Variants in SYNJ1 observed in about 807,000 individuals in gnomAD.
SYNJ1 encodes the protein synaptojanin 1.
In SYNJ1, 78 loss-of-function variants were observed where a neutral mutation model predicts 168.2. The observed-to-expected ratio is 0.46, with a 90% confidence interval of 0.39 to 0.56. The LOEUF (loss-of-function observed/expected upper bound fraction) is 0.56. Ranked by LOEUF, SYNJ1 falls within the 20% of genes least tolerant of loss-of-function variation. The pLI is 0.00. For synonymous variants in SYNJ1, 539 were observed against 548.6 expected, an observed-to-expected ratio of 0.98 and a Z score of 0.24; for missense variants, 1,303 against 1,597.6, an observed-to-expected ratio of 0.82 and a Z score of 3.14.
At position 32,639,231 on chromosome 21, in the gene SYNJ1, A is replaced by G. The variant is rs2145722061; in HGVS notation, c.3698-106T>C. The G allele has an allele frequency of 7.9e-6, 8 of 1,015,848 alleles. No homozygotes were observed. In the East Asian group the frequency reaches 2.0e-4, roughly 26 times the overall value. 62.9% of individuals were successfully genotyped at this position (1,015,848 alleles called of 1,614,324 possible). A position where few individuals can be genotyped will look rare whatever the true frequency, so the allele number is the denominator to read the frequency against. On this transcript the variant is annotated intron_variant, in intron 30 of 32. Coordinates refer to ENST00000674351, the MANE Select transcript of SYNJ1 (RefSeq NM_203446.3). Reference sequence around the variant, plus strand: ...AACATTCTAGTTATTTCTTCCCCCAATAAGTAGCCTCATTTCTTGTGGTAT... The same window carrying G: ...AACATTCTAGTTATTTCTTCCCCCAGTAAGTAGCCTCATTTCTTGTGGTAT...
chr21:32,673,780 A>G (rs1330916316), intron 13 of SYNJ1, among the ~76,000 whole-genome samples: 1 of 152,178 alleles, frequency 6.6e-6, no homozygotes, highest in African/African-American at 2.4e-5. Flanking sequence ...AAGTAAAAAA[A>G]AAAATACTAC....
At chr21:32,695,635 ATTTATT>A (rs2042177190) in intron 4 of SYNJ1, among the ~76,000 whole-genome samples, 1 of 120,226 alleles carries the variant, frequency 8.3e-6, no homozygotes, top group Non-Finnish European at 1.9e-5. Flanking sequence ...TTAAAAAAAT[ATTTATT>A]TATTTATTTA....
At chr21:32,713,986 G>A (rs2042933079) in intron 2 of SYNJ1, among the ~76,000 whole-genome samples, 1 of 152,194 alleles carries the variant, frequency 6.6e-6, no homozygotes, top group Non-Finnish European at 1.5e-5. Flanking sequence ...TGGTATGCTA[G>A]TAATAATATT....
intron 27 of SYNJ1, 71 bp downstream of exon 27, chr21:32,643,339 T>G: frequency 6.7e-7 from 1 of 1,487,648 alleles, no homozygotes; most frequent in Non-Finnish European, 9.3e-7. Flanking sequence ...CACTGCGGGG[T>G]GGGGAGGTGG....
intron 13 of SYNJ1, 138 bp from the exon 14 acceptor site, chr21:32,673,669 G>A: frequency 1.5e-6 from 1 of 660,550 alleles, no homozygotes. Flanking sequence ...TACAGGCACA[G>A]GCACAAAAAA....
At position 32,646,382 on chromosome 21, in the gene SYNJ1, A is replaced by G; in HGVS notation, c.3247+11T>C. On this transcript the variant is annotated intron_variant, in intron 24 of 32. Coordinates refer to ENST00000674351, the MANE Select transcript of SYNJ1 (RefSeq NM_203446.3). ...AGGAAGCCATACAAAACTTTCAAAT[A>G]AAATGCATACTCTGTGCACTGGGAG... 6.2e-7 allele frequency: 1 copy of G among 1,609,500 alleles called. No homozygotes were observed. Among genetic ancestry groups the G allele is most frequent in the Non-Finnish European group, 8.5e-7 (1 of 1,176,796 alleles).
At chr21:32,671,087 T>C (rs116509930) in intron 14 of SYNJ1, among the ~76,000 whole-genome samples, 228 of 152,164 alleles carry the variant, frequency 1.5e-3, no homozygotes, top group African/African-American at 4.9e-3. Flanking sequence ...GGTGAGAGGA[T>C]CACTTGAAGC....
chr21:32,673,999 C>T (rs1215464012), intron 13 of SYNJ1, among the ~76,000 whole-genome samples: 2 of 152,228 alleles, frequency 1.3e-5, no homozygotes, highest in Non-Finnish European at 2.9e-5. Flanking sequence ...ATTGTAGCTA[C>T]TGACAGGCAG....
intron 29 of SYNJ1, among the ~76,000 whole-genome samples, chr21:32,640,010 A>C (rs1465288969): frequency 6.6e-6 from 1 of 152,236 alleles, no homozygotes; most frequent in Non-Finnish European, 1.5e-5. Flanking sequence ...AGTACTGTAC[A>C]GGCATTTCCA....
At chr21:32,708,833 A>AT (rs1247209877) in intron 2 of SYNJ1, among the ~76,000 whole-genome samples, 8 of 151,486 alleles carry the variant, frequency 5.3e-5, no homozygotes, top group Non-Finnish European at 1.2e-4. Context: ...AAAAAGAATC[A>AT]TTTTGCTGGG....
intron 2 of SYNJ1, among the ~76,000 whole-genome samples, chr21:32,702,663 A>T (rs1466165557): frequency 6.6e-6 from 1 of 152,218 alleles, no homozygotes; most frequent in Non-Finnish European, 1.5e-5. Context: ...TCAAAGGACA[A>T]ATACAAATAA....
At chr21:32,687,303 T>C (rs768178751) in intron 7 of SYNJ1, among the ~76,000 whole-genome samples, 1 of 152,232 alleles carries the variant, frequency 6.6e-6, no homozygotes, top group Non-Finnish European at 1.5e-5. Flanking sequence ...CTGTTGGAGC[T>C]GTGGAGGCAT....
chr21:32,714,198 A>G (rs1208467978), intron 2 of SYNJ1, among the ~76,000 whole-genome samples: 1 of 152,208 alleles, frequency 6.6e-6, no homozygotes, highest in Non-Finnish European at 1.5e-5. Flanking sequence ...CAGAACTGAA[A>G]GGCGGCCAAT....
rs1257862642 is a variant in SYNJ1, at chr21:32,631,317, A to G, written c.*488T>C. 1.2e-6 allele frequency: 2 copies of G among 1,614,234 alleles called. No individual in the cohort carries two copies. Among genetic ancestry groups the G allele is most frequent in the Non-Finnish European group, 1.7e-6 (2 of 1,180,042 alleles). On this transcript the variant is annotated 3_prime_UTR_variant, in exon 33 of 33. Transcript: ENST00000674351. The stretch of plus-strand genomic sequence containing the variant: ...AATTTTTAATGTAGACTGGCCCTGT[A>G]GATCAAAACTGTCCTTAAAGCCATC...
At chr21:32,670,754 T>C in intron 14 of SYNJ1, 1 of 968,874 alleles carries the variant, frequency 1.0e-6, no homozygotes, top group Non-Finnish European at 1.2e-6. Context: ...ACTGAGAAAC[T>C]ACCTCAAATT....
intron 2 of SYNJ1, among the ~76,000 whole-genome samples, chr21:32,713,343 CAT>C (rs2042901447): frequency 6.9e-6 from 1 of 145,962 alleles, no homozygotes; most frequent in African/African-American, 2.6e-5. Context: ...GATGATTTCC[CAT>C]ATGTCAACAT....
chr21:32,657,932 C>T (rs1041149955), intron 18 of SYNJ1, 60 bp from the exon 19 acceptor site: 2 of 1,381,412 alleles, frequency 1.4e-6, no homozygotes, highest in East Asian at 2.3e-5. Context: ...TGTTTTCATT[C>T]AGACAGTCAT....
intron 2 of SYNJ1, among the ~76,000 whole-genome samples, chr21:32,704,779 G>C (rs1000522495): frequency 6.6e-6 from 1 of 152,190 alleles, no homozygotes; most frequent in African/African-American, 2.4e-5. Flanking sequence ...AGGATAATGA[G>C]AGCCAGGTTT....
At position 32,706,496 on chromosome 21, in the gene SYNJ1, C is replaced by CAA. The variant is rs762399267; in HGVS notation, c.125-4451_125-4450dup. On this transcript the variant is annotated intron_variant, in intron 2 of 32. Coordinates refer to ENST00000674351, the MANE Select transcript of SYNJ1 (RefSeq NM_203446.3). ...CCAGAGAATCCACTCAGTTCTGGGG[C>CAA]AAAAAAAAAAAAAAAGAAGTCCAGA... Among the ~76,000 whole-genome samples the CAA allele has an allele frequency of 9.8e-5, 8 of 81,580 alleles. 1 individual carries two copies. The highest frequency in any genetic ancestry group is 3.8e-4 in the African/African-American group (8 of 21,266). 53.5% of individuals were successfully genotyped at this position (81,580 alleles called of 152,430 possible).
Sources: gnomAD v4.1 joint callset for allele counts (sites outside exome capture counted in the v4.1 genomes callset) on GRCh38, gnomAD v4.1.1 for gene constraint, MANE v1.5 for transcripts, NCBI Gene and HGNC (gene_info 2026-07-23, HGNC 2026-07-21) for gene names.